Variants in FBXL16 observed in about 807,000 individuals in gnomAD.
FBXL16 encodes F-box and leucine rich repeat protein 16.
A neutral mutation model predicts 36.7 loss-of-function variants in FBXL16; 7 were observed. The ratio of observed to expected loss-of-function variants is 0.19; its 90% CI spans 0.11 to 0.36. The LOEUF (loss-of-function observed/expected upper bound fraction) is 0.36, where lower values mean the gene tolerates loss of function less well. Among genes scored for constraint, FBXL16 ranks in the 10% least tolerant of loss-of-function variants. The pLI is 1.00. For missense variants in FBXL16, 463 were observed against 659.4 expected, an observed-to-expected ratio of 0.70 and a Z score of 3.26; for synonymous variants, 355 against 308.7, an observed-to-expected ratio of 1.15 and a Z score of -1.57.
At position 696,935 on chromosome 16, in the gene FBXL16, G is replaced by A. The variant is rs373644085; in HGVS notation, c.471C>T (p.Phe157=). 220 of 1,606,984 alleles carry A rather than the reference G, an allele frequency of 1.4e-4. No individual in the cohort carries two copies. Among genetic ancestry groups the A allele is most frequent in the East Asian group, 4.5e-4 (20 of 44,800 alleles). Residue 157 remains phenylalanine (F), a synonymous_variant, in exon 2 of 6, where the codon TTC becomes TTT. Transcript: ENST00000397621. ...TGGCGGCAAAACCCTGCAGGTTCAC[G>A]AACTCCTTCTCGCCACCAGGCAGCA... is the stretch of plus-strand genomic sequence containing the variant. ...YNVLPGGEKE[F]VNLQGFAARG... is the part of the protein sequence containing the mutation.
At chr16:699,040 C>T (rs576770572) in intron 1 of FBXL16, among the ~76,000 whole-genome samples, 2 of 152,246 alleles carry the variant, frequency 1.3e-5, no homozygotes, top group South Asian at 2.1e-4. Flanking sequence ...CATGGTTAGC[C>T]CTGGACACAA....
At chr16:695,370 C>T (rs1341353719) in intron 3 of FBXL16, 45 bp downstream of exon 3, 13 of 1,374,642 alleles carry the variant, frequency 9.5e-6, no homozygotes, top group Non-Finnish European at 1.2e-5. Flanking sequence ...CCCCGTGCAG[C>T]CCCGCCCGGC....
Position 696,816 on chromosome 16 carries a change from G to A in FBXL16, c.590C>T (p.Ala197Val), listed in dbSNP as rs774644838. The change falls in exon 2 of 6, where the codon GCC (alanine) becomes GTC (valine). Residue 197 changes from alanine (A) to valine (V), a missense_variant. By Grantham distance (64) the Ala-to-Val change is moderately conservative (BLOSUM62 0). This residue lies in a region of FBXL16 where 263 missense variants were observed against 341.1 expected (regional missense o/e 0.77). Transcript: ENST00000397621. The part of the protein sequence containing the change: ...NYALSKKGVK[A>V]MSLKRSTITD... Reference sequence around the variant, plus strand: ...GATGGTGGAGCGCTTGAGGCTCATGGCTTTGACACCCTTCTTGGAGAGCGC... The same window carrying A: ...GATGGTGGAGCGCTTGAGGCTCATGACTTTGACACCCTTCTTGGAGAGCGC... 4.8e-6 allele frequency: 7 copies of A among 1,456,818 alleles called. No homozygotes were observed. Among genetic ancestry groups the A allele is most frequent in the South Asian group, 1.3e-5 (1 of 79,080 alleles). The allele number at this position is 1,456,818 out of a possible 1,614,324, so 90.2% of individuals were successfully genotyped here. A position where few individuals can be genotyped will look rare whatever the true frequency, so the allele number is the denominator to read the frequency against.
chr16:703,500 C>T (rs758665325), intron 1 of FBXL16, among the ~76,000 whole-genome samples: 6 of 152,218 alleles, frequency 3.9e-5, no homozygotes, highest in East Asian at 1.9e-4. Flanking sequence ...AAATGCACAT[C>T]GGGCTCCATC....
At chr16:696,336 C>G (rs1341251561) in intron 2 of FBXL16, among the ~76,000 whole-genome samples, 1 of 152,198 alleles carries the variant, frequency 6.6e-6, no homozygotes, top group Non-Finnish European at 1.5e-5. Context: ...TCTCAGCTCA[C>G]TGTACCCCCC....
intron 1 of FBXL16, among the ~76,000 whole-genome samples, chr16:704,053 GCTCAC>G (rs1237871891): frequency 1.3e-5 from 2 of 152,226 alleles, no homozygotes; most frequent in Non-Finnish European, 2.9e-5. Context: ...TCAGTCACCT[GCTCAC>G]CCACAGAGCT....
intron 4 of FBXL16, 111 bp from the exon 5 acceptor site, chr16:694,808 C>A: frequency 1.5e-6 from 2 of 1,347,290 alleles, no homozygotes; most frequent in Non-Finnish European, 2.1e-6. Flanking sequence ...CTCCGTCCCC[C>A]CCGGAGCCGG....
Position 694,336 on chromosome 16 carries a change from GC to G in FBXL16, c.1378del (p.Ala460ProfsTer282). On this transcript the variant is annotated frameshift_variant, in exon 6 of 6. Transcript: ENST00000397621. LOFTEE classifies it high-confidence loss of function. ...GAAATACTTGAAGAGCTCGGGGGTG[GC>G]CCCGGGGCAGTTGGTCAGCTCCAGC... Reference protein sequence around the residue: ...EELELTNCPGATPELFKYFSQ... With the variant: ...EELELTNCPGXTPELFKYFSQ... 1 of 1,514,430 alleles carries G rather than the reference GC, an allele frequency of 6.6e-7. No individual in the cohort carries two copies. The highest frequency in any genetic ancestry group is 2.5e-5 in the Admixed American group (1 of 40,624). The allele number at this position is 1,514,430 out of a possible 1,614,324, so 93.8% of individuals were successfully genotyped here.
chr16:700,853 G>A (rs1327278216), intron 1 of FBXL16, among the ~76,000 whole-genome samples: 1 of 152,168 alleles, frequency 6.6e-6, no homozygotes, highest in East Asian at 1.9e-4. Flanking sequence ...TTCCACCGCG[G>A]ACGGCTGCGG....
At position 694,233 on chromosome 16, in the gene FBXL16, A is replaced by T; in HGVS notation, c.*42T>A. The T allele has an allele frequency of 7.9e-7, 1 of 1,262,534 alleles. No homozygotes were observed. The highest frequency in any genetic ancestry group is 1.0e-6 in the Non-Finnish European group (1 of 997,208). The allele number at this position is 1,262,534 out of a possible 1,614,324, so 78.2% of individuals were successfully genotyped here. A position where few individuals can be genotyped will look rare whatever the true frequency, so the allele number is the denominator to read the frequency against. On this transcript the variant is annotated 3_prime_UTR_variant, in exon 6 of 6. Transcript: ENST00000397621. ...TCGGCGGCGCCCCGCGCCCCCGCCC[A>T]GGTCATGGCCGGGTTCCCGCGACCG... is the stretch of plus-strand genomic sequence containing the variant.
In FBXL16 at chr16:694,164, G is replaced by A. The variant is rs2039992094; in HGVS notation, c.*111C>T. The A allele has an allele frequency of 9.5e-6, 7 of 736,404 alleles. No homozygotes were observed. The highest frequency in any genetic ancestry group is 4.7e-5 in the Admixed American group (1 of 21,446). The allele number at this position is 736,404 out of a possible 1,614,324, so 45.6% of individuals were successfully genotyped here. ...CTCGCCCCGCCTCCCGCGCTGGGCC[G>A]GGGGCGCGGGGGCTCCCCCGAGCGC... is the stretch of plus-strand genomic sequence containing the variant. On this transcript the variant is annotated 3_prime_UTR_variant, in exon 6 of 6. Transcript: ENST00000397621.
At chr16:702,474 G>A (rs1173026849) in intron 1 of FBXL16, among the ~76,000 whole-genome samples, 2 of 152,226 alleles carry the variant, frequency 1.3e-5, no homozygotes, top group Non-Finnish European at 1.5e-5. Context: ...CTTGAGGACA[G>A]ACAGCACCAA....
chr16:695,310 C>A (rs930331766), intron 3 of FBXL16, 105 bp downstream of exon 3: 501 of 1,114,388 alleles, frequency 4.5e-4, no homozygotes, highest in Non-Finnish European at 5.4e-4. Context: ...ACAGCCCCAG[C>A]CCCGCCGGAA....
rs2040016578 is a variant in FBXL16, at chr16:696,907, C to T, written c.499G>A (p.Gly167Ser). 1 of 1,610,276 alleles carries T rather than the reference C, an allele frequency of 6.2e-7. No homozygotes were observed. The highest frequency in any genetic ancestry group is 1.1e-5 in the South Asian group (1 of 90,694). Residue 167 changes from glycine to serine, a missense_variant, in exon 2 of 6, where the codon GGC (glycine) becomes AGC (serine). By Grantham distance (56) the Gly-to-Ser change is moderately conservative. This residue lies in a region of FBXL16 where 263 missense variants were observed against 341.1 expected (regional missense o/e 0.77). Transcript: ENST00000397621. Reference sequence around the variant, plus strand: ...CCAACCAGGCAGAAGCCCTCGAAGCCTCTGGCGGCAAAACCCTGCAGGTTC... The same window carrying T: ...CCAACCAGGCAGAAGCCCTCGAAGCTTCTGGCGGCAAAACCCTGCAGGTTC... Reference protein sequence around the residue: ...FVNLQGFAARGFEGFCLVGVS... With the variant: ...FVNLQGFAARSFEGFCLVGVS...
Position 696,052 on chromosome 16 carries a change from G to C in FBXL16, c.634-129C>G, listed in dbSNP as rs1014664601. 2.0e-5 allele frequency: 27 copies of C among 1,350,402 alleles called. No homozygotes were observed. The African/African-American group carries it at 3.4e-4, about 17-fold the overall frequency. 83.7% of individuals were successfully genotyped at this position (1,350,402 alleles called of 1,614,324 possible). On this transcript the variant is annotated intron_variant, in intron 2 of 5. Transcript: ENST00000397621. ...ATTTGGCAGTGTGTGAGGAGGCGGG[G>C]CATCGGGACGAGAGCCCAGGGCCTG...
intron 1 of FBXL16, among the ~76,000 whole-genome samples, chr16:705,188 G>A (rs1450880326): frequency 6.6e-6 from 1 of 152,158 alleles, no homozygotes; most frequent in Non-Finnish European, 1.5e-5. Context: ...AGCCGACCAG[G>A]CGCCCGGGGT....
At chr16:698,063 A>G (rs2040028242) in intron 1 of FBXL16, among the ~76,000 whole-genome samples, 1 of 151,484 alleles carries the variant, frequency 6.6e-6, no homozygotes, top group Admixed American at 6.6e-5. Flanking sequence ...GTGCAGAGAC[A>G]GGATCTTGGC....
Position 694,123 on chromosome 16 carries a change from A to T in FBXL16, c.*152T>A. The T allele has an allele frequency of 2.5e-6, 1 of 402,980 alleles. No homozygotes were observed. The highest frequency in any genetic ancestry group is 4.1e-6 in the Non-Finnish European group (1 of 245,944). The allele number at this position is 402,980 out of a possible 1,614,324, so 25.0% of individuals were successfully genotyped here. On this transcript the variant is annotated 3_prime_UTR_variant, in exon 6 of 6. Transcript: ENST00000397621. ...AGGGCGGAGGGACCGAAGGTCGGGG[A>T]GGGGCTTTCCCTCGGCTCGCCCCGC... is the stretch of plus-strand genomic sequence containing the variant.
At chr16:700,861 CG>C (rs1426537774) in intron 1 of FBXL16, among the ~76,000 whole-genome samples, 7 of 152,144 alleles carry the variant, frequency 4.6e-5, no homozygotes, top group Non-Finnish European at 1.0e-4. Context: ...CGGACGGCTG[CG>C]GGGTCGGGGC....
Sources: allele counts gnomAD v4.1 joint callset (sites outside exome capture counted in the v4.1 genomes callset), GRCh38; gene constraint gnomAD v4.1.1; regional missense constraint gnomAD v4.1.1; transcripts MANE v1.5; gene names NCBI Gene and HGNC (gene_info 2026-07-23, HGNC 2026-07-21).